FBN1: variants seen among roughly 807,000 people sequenced by gnomAD.
FBN1 encodes the protein fibrillin-1.
Under a neutral mutation model 365.1 loss-of-function variants are expected in FBN1, and 29 were observed. The ratio of observed to expected loss-of-function variants is 0.08; its 90% CI spans 0.06 to 0.11. The LOEUF (loss-of-function observed/expected upper bound fraction) is 0.11, where lower values mean the gene tolerates loss of function less well. Ranked by LOEUF, FBN1 falls within the 10% of genes least tolerant of loss-of-function variation. The pLI, the probability that FBN1 is intolerant of heterozygous loss-of-function variation, is 1.00. For synonymous variants in FBN1, 1,210 were observed against 1,270.5 expected, an observed-to-expected ratio of 0.95 and a Z score of 1.01; for missense variants, 2,476 against 3,703.2, an observed-to-expected ratio of 0.67 and a Z score of 8.60.
At chr15:48,621,748 G>A (rs192447635) in intron 2 of FBN1, among the ~76,000 whole-genome samples, 10 of 152,178 alleles carry the variant, frequency 6.6e-5, no homozygotes, top group Admixed American at 4.6e-4. Flanking sequence ...CAGTACTTTC[G>A]GAGGCTGAGG....
intron 55 of FBN1, 121 bp downstream of exon 55, chr15:48,432,745 T>C (rs1273351545): frequency 7.6e-7 from 1 of 1,321,012 alleles, no homozygotes; most frequent in Non-Finnish European, 1.1e-6. Flanking sequence ...AACCCCCGTA[T>C]TGTCCACGGA....
At chr15:48,620,531 C>T (rs1889746971) in intron 2 of FBN1, among the ~76,000 whole-genome samples, 1 of 152,190 alleles carries the variant, frequency 6.6e-6, no homozygotes, top group Non-Finnish European at 1.5e-5. Context: ...AAATTCAAAT[C>T]TAGCTCCCCA....
chr15:48,602,720 T>C (rs2140722309), intron 4 of FBN1, among the ~76,000 whole-genome samples: 1 of 152,292 alleles, frequency 6.6e-6, no homozygotes, highest in South Asian at 2.1e-4. Context: ...CGTTAAAACA[T>C]CTCAGCCAAG....
intron 10 of FBN1, among the ~76,000 whole-genome samples, chr15:48,517,442 G>A (rs115776900): frequency 0.012 from 1,801 of 152,190 alleles, 42 homozygotes; most frequent in African/African-American, 0.042. Context: ...GGTGTGGGTC[G>A]GGTATGAATG....
At chr15:48,437,171 T>A in intron 52 of FBN1, 94 bp from the exon 53 acceptor site, 1 of 1,128,786 alleles carries the variant, frequency 8.9e-7, no homozygotes, top group Non-Finnish European at 1.3e-6. Flanking sequence ...AAAGATTATC[T>A]AATAATGCAA....
rs1215672755 is a variant in FBN1, at chr15:48,421,944, C to T, written c.7570+8G>A. On this transcript the variant is annotated splice_region_variant and intron_variant, in intron 61 of 65. Transcript: ENST00000316623. Reference sequence around the variant, plus strand: ...AATCCATGTAGGATTTTTTCCTCTCCTACTCACCAATGCAGGACGTATGGT... The same window carrying T: ...AATCCATGTAGGATTTTTTCCTCTCTTACTCACCAATGCAGGACGTATGGT... The T allele has an allele frequency of 6.3e-7, 1 of 1,595,382 alleles. No individual in the cohort carries two copies. The highest frequency in any genetic ancestry group is 2.2e-5 in the East Asian group (1 of 44,800).
intron 10 of FBN1, among the ~76,000 whole-genome samples, chr15:48,518,489 T>C (rs1043452191): frequency 6.6e-6 from 1 of 152,256 alleles, no homozygotes; most frequent in Admixed American, 6.5e-5. Context: ...ACTTTTTGAA[T>C]TTATATAAAA....
At chr15:48,525,866 G>A (rs1284761265) in intron 9 of FBN1, among the ~76,000 whole-genome samples, 3 of 152,138 alleles carry the variant, frequency 2.0e-5, no homozygotes, top group African/African-American at 4.8e-5. Flanking sequence ...AATGCTGCAC[G>A]ACTGCAACAT....
At chr15:48,447,228 C>T (rs1459462106) in intron 46 of FBN1, among the ~76,000 whole-genome samples, 1 of 152,124 alleles carries the variant, frequency 6.6e-6, no homozygotes, top group East Asian at 1.9e-4. Flanking sequence ...ATTCTCACTC[C>T]AGTTTACCAA....
chr15:48,410,050 T>C lies in FBN1; in HGVS notation c.*940A>G, dbSNP rs1017779961. The C allele has an allele frequency of 9.8e-5, 15 of 152,592 alleles. No homozygotes were observed. Among genetic ancestry groups the C allele is most frequent in the Non-Finnish European group, 1.9e-4 (13 of 68,042 alleles). The allele number at this position is 152,592 out of a possible 1,614,324, so 9.5% of individuals were successfully genotyped here. A position where few individuals can be genotyped will look rare whatever the true frequency, so the allele number is the denominator to read the frequency against. ...AATGGCCCCTCCAACCCCAAATCCA[T>C]GCAAGAACACAAAGCCAAGGGGTAA... is the stretch of plus-strand genomic sequence containing the variant. On this transcript the variant is annotated 3_prime_UTR_variant, in exon 66 of 66. Transcript: ENST00000316623.
Position 48,510,031 on chromosome 15 carries a change from A to G in FBN1, c.1714+13T>C. 1.2e-6 allele frequency: 2 copies of G among 1,612,894 alleles called. No individual in the cohort carries two copies. The highest frequency in any genetic ancestry group is 1.3e-5 in the African/African-American group (1 of 74,994). On this transcript the variant is annotated intron_variant, in intron 14 of 65. Transcript: ENST00000316623. ...ATGGAAGGAGAGGACTAACATTAGTATACTATTATTACCTTCACAGTTCTT... is the reference window on the plus strand; with the variant it reads ...ATGGAAGGAGAGGACTAACATTAGTGTACTATTATTACCTTCACAGTTCTT...
chr15:48,497,199 C>T (rs1249355589), intron 19 of FBN1, 67 bp downstream of exon 19: 1 of 1,604,190 alleles, frequency 6.2e-7, no homozygotes, highest in South Asian at 1.1e-5. Context: ...AGGCAGTTTT[C>T]TCCCAGCAAT....
chr15:48,540,072 A>G (rs1467501808), intron 6 of FBN1, among the ~76,000 whole-genome samples: 1 of 152,220 alleles, frequency 6.6e-6, no homozygotes. Context: ...AAATGCAGGA[A>G]CTATGTGGAC....
intron 4 of FBN1, among the ~76,000 whole-genome samples, chr15:48,607,384 ATATT>A (rs1373052727): frequency 3.8e-5 from 5 of 131,180 alleles, no homozygotes; most frequent in Admixed American, 2.4e-4. Context: ...ATATATATAT[ATATT>A]ATTGTCTAAA....
intron 38 of FBN1, among the ~76,000 whole-genome samples, 157 bp downstream of exon 38, chr15:48,467,778 ATAT>A (rs1203554546): frequency 1.8e-4 from 27 of 151,404 alleles, no homozygotes; most frequent in Non-Finnish European, 1.3e-4. Flanking sequence ...CCAACCAGGA[ATAT>A]TTTCTGACTC....
At chr15:48,522,135 A>AATGTCTCCCATCACCCTCAG (rs888159856) in intron 9 of FBN1, among the ~76,000 whole-genome samples, 2 of 152,210 alleles carry the variant, frequency 1.3e-5, no homozygotes, top group Non-Finnish European at 2.9e-5. Flanking sequence ...ATGATCTGCC[A>AATGTCTCCCATCACCCTCAG]ATGTCTCCCA....
chr15:48,511,796 T>A lies in FBN1; in HGVS notation c.1589-1627A>T, dbSNP rs375662984. Among the ~76,000 whole-genome samples, 8 of 152,318 alleles carry A rather than the reference T, an allele frequency of 5.3e-5. No homozygotes were observed. In the East Asian group the frequency reaches 1.4e-3, roughly 26 times the overall value. On this transcript the variant is annotated intron_variant, in intron 13 of 65. Coordinates refer to ENST00000316623, the MANE Select transcript of FBN1 (RefSeq NM_000138.5). The stretch of plus-strand genomic sequence containing the variant: ...TCAGGTCATCCTCAGTCTCCAATAC[T>A]AAGTCTCAGATTGATAACAACCACA...
intron 15 of FBN1, among the ~76,000 whole-genome samples, chr15:48,506,317 T>C (rs1351349001): frequency 7.9e-5 from 12 of 152,360 alleles, no homozygotes; most frequent in Admixed American, 7.2e-4. Context: ...AACTTTCTCC[T>C]GACCTTAAAA....
At chr15:48,436,938 A>G (rs1194447698) in intron 53 of FBN1, 23 bp downstream of exon 53, 1 of 1,398,328 alleles carries the variant, frequency 7.2e-7, no homozygotes, top group African/African-American at 1.4e-5. Flanking sequence ...TAAAGTTCCT[A>G]TGGAAGAAAA....
Sources: gnomAD v4.1 joint callset for allele counts (sites outside exome capture counted in the v4.1 genomes callset) on GRCh38, gnomAD v4.1.1 for gene constraint, MANE v1.5 for transcripts, NCBI Gene and HGNC (gene_info 2026-07-23, HGNC 2026-07-21) for gene names.